The following MARCHF1 variants were observed in gnomAD, a reference collection of about 807,000 sequenced individuals.
MARCHF1 encodes membrane associated ring-CH-type finger 1, also known as E3 ubiquitin-protein ligase MARCHF1.
A neutral mutation model predicts 54.2 loss-of-function variants in MARCHF1; 40 were observed. The observed-to-expected ratio is 0.74, with a 90% CI of 0.57 to 0.96. The LOEUF is 0.96. MARCHF1 is among the 40% of genes least tolerant of loss of function. The pLI is 0.00. For missense variants in MARCHF1, 586 were observed against 656.5 expected, an observed-to-expected ratio of 0.89 and a Z score of 1.17; for synonymous variants, 236 against 236.3, an observed-to-expected ratio of 1.00 and a Z score of 0.01.
intron 4 of MARCHF1, among the ~76,000 whole-genome samples, chr4:163,747,364 A>T (rs1456948905): frequency 6.6e-6 from 1 of 152,166 alleles, no homozygotes; most frequent in Non-Finnish European, 1.5e-5. Flanking sequence ...TCTCTGATGG[A>T]ACTCCCGTTT....
At chr4:163,705,944 T>A (rs1327894215) in intron 4 of MARCHF1, among the ~76,000 whole-genome samples, 1 of 152,048 alleles carries the variant, frequency 6.6e-6, no homozygotes, top group Admixed American at 6.6e-5. Flanking sequence ...ACAAAACCAC[T>A]GCAGCTAATT....
intron 1 of MARCHF1, among the ~76,000 whole-genome samples, chr4:164,233,251 A>C (rs1046926337): frequency 1.3e-5 from 2 of 151,564 alleles, no homozygotes; most frequent in African/African-American, 2.4e-5. Context: ...CAAAAAAAAA[A>C]CACATTACTC....
At chr4:164,080,668 GTGTATA>G (rs930132081) in intron 2 of MARCHF1, among the ~76,000 whole-genome samples, 3 of 150,466 alleles carry the variant, frequency 2.0e-5, no homozygotes, top group African/African-American at 7.3e-5. Context: ...GTGTGTGTGT[GTGTATA>G]TATATATATA....
In MARCHF1 at chr4:163,897,412, AT is replaced by A. The variant is rs112454932; in HGVS notation, c.-38-43244del. Among the ~76,000 whole-genome samples, 4 of 152,138 alleles carry A rather than the reference AT, an allele frequency of 2.6e-5. No individual in the cohort carries two copies. The South Asian group carries it at 8.3e-4, about 32-fold the overall frequency. ...CCCTCACATTCCTTATATTCTCAGG[AT>A]TTTTCCTAAGCAAAAAGAGCAAATC... is the stretch of plus-strand genomic sequence containing the variant. On this transcript the variant is annotated intron_variant, in intron 3 of 9. Coordinates refer to ENST00000514618, the MANE Select transcript of MARCHF1 (RefSeq NM_001394959.1).
At chr4:163,839,892 G>A (rs1325834035) in intron 4 of MARCHF1, among the ~76,000 whole-genome samples, 1 of 151,794 alleles carries the variant, frequency 6.6e-6, no homozygotes, top group Non-Finnish European at 1.5e-5. Flanking sequence ...CACTTGAGCT[G>A]TAAAGAAAAA....
intron 1 of MARCHF1, among the ~76,000 whole-genome samples, chr4:164,231,788 A>G (rs1732420765): frequency 6.6e-6 from 1 of 152,110 alleles, no homozygotes; most frequent in Admixed American, 6.6e-5. Context: ...AACCTCTACT[A>G]TCATAAGAAA....
intron 1 of MARCHF1, among the ~76,000 whole-genome samples, chr4:164,159,758 G>A (rs1458626274): frequency 3.3e-5 from 5 of 152,274 alleles, no homozygotes; most frequent in African/African-American, 7.2e-5. Flanking sequence ...TGGAAAGAAT[G>A]TAAGCTAGCA....
At chr4:163,678,083 C>T (rs1743976578) in intron 5 of MARCHF1, among the ~76,000 whole-genome samples, 1 of 152,154 alleles carries the variant, frequency 6.6e-6, no homozygotes, top group Admixed American at 6.5e-5. Context: ...CTCAATTGCC[C>T]TTGATACAGA....
chr4:164,344,448 A>T (rs1199195222), intron 1 of MARCHF1, among the ~76,000 whole-genome samples: 2 of 146,226 alleles, frequency 1.4e-5, no homozygotes, highest in African/African-American at 5.3e-5. Context: ...GTTTGTGCAC[A>T]TGCACGTGTT....
intron 3 of MARCHF1, among the ~76,000 whole-genome samples, chr4:163,941,136 C>G (rs1052794832): frequency 1.1e-4 from 16 of 151,942 alleles, no homozygotes; most frequent in African/African-American, 3.9e-4. Flanking sequence ...GAGAGGGTAA[C>G]TTGTTTTTTT....
intron 1 of MARCHF1, among the ~76,000 whole-genome samples, chr4:164,312,746 T>C (rs909899228): frequency 5.9e-5 from 9 of 152,326 alleles, no homozygotes; most frequent in South Asian, 2.1e-4. Flanking sequence ...GAAGGAAATA[T>C]ATATATATAC....
chr4:164,142,535 C>A (rs1452216806), intron 1 of MARCHF1, among the ~76,000 whole-genome samples: 1 of 152,214 alleles, frequency 6.6e-6, no homozygotes, highest in Non-Finnish European at 1.5e-5. Flanking sequence ...AGCAGCCTAA[C>A]TGGGAGGCAC....
At chr4:163,954,123 A>G (rs1017703277) in intron 3 of MARCHF1, among the ~76,000 whole-genome samples, 4 of 152,190 alleles carry the variant, frequency 2.6e-5, no homozygotes, top group African/African-American at 9.6e-5. Context: ...ATAACTAGGT[A>G]AAAGACATAG....
At position 164,325,333 on chromosome 4, in the gene MARCHF1, T is replaced by TTATATATATA. The variant is rs58385154; in HGVS notation, c.-323+58527_-323+58536dup. 1.3e-3 allele frequency among the ~76,000 whole-genome samples: 175 copies of TTATATATATA among 138,468 alleles called. 1 individual carries two copies. The highest frequency in any genetic ancestry group is 5.3e-3 in the Admixed American group (73 of 13,698). The allele number at this position is 138,468 out of a possible 152,430, so 90.8% of individuals were successfully genotyped here. A position where few individuals can be genotyped will look rare whatever the true frequency, so the allele number is the denominator to read the frequency against. On this transcript the variant is annotated intron_variant, in intron 1 of 9. Transcript: ENST00000514618. ...GGACCAGTGAGTTGGTAGACAGAAA[T>TTATATATATA]TATATATATATATATATATATATTT...
chr4:164,144,075 G>A (rs1729591587), intron 1 of MARCHF1, among the ~76,000 whole-genome samples: 1 of 152,120 alleles, frequency 6.6e-6, no homozygotes, highest in African/African-American at 2.4e-5. Context: ...AGACAAAGGA[G>A]GCCATTACAT....
intron 3 of MARCHF1, among the ~76,000 whole-genome samples, chr4:163,981,120 C>T (rs1399755445): frequency 6.6e-6 from 1 of 152,030 alleles, no homozygotes; most frequent in African/African-American, 2.4e-5. Context: ...CAGCGTTGTG[C>T]ATCCAGTGGT....
chr4:163,540,606 C>A (rs1579043827), intron 9 of MARCHF1, among the ~76,000 whole-genome samples: 1 of 152,128 alleles, frequency 6.6e-6, no homozygotes, highest in Admixed American at 6.5e-5. Flanking sequence ...CTATTTGATG[C>A]AAGGTAAAGT....
intron 1 of MARCHF1, among the ~76,000 whole-genome samples, chr4:164,167,491 A>C (rs1252820829): frequency 6.6e-6 from 1 of 151,852 alleles, no homozygotes; most frequent in Non-Finnish European, 1.5e-5. Flanking sequence ...TGAGAAAGAA[A>C]AGCAAAGTTG....
chr4:164,077,772 A>G (rs1755010469), intron 2 of MARCHF1, among the ~76,000 whole-genome samples: 1 of 152,252 alleles, frequency 6.6e-6, no homozygotes, highest in Non-Finnish European at 1.5e-5. Flanking sequence ...AAACAAACAC[A>G]TGAAAAAAAG....
Sources: allele counts gnomAD v4.1 joint callset (sites outside exome capture counted in the v4.1 genomes callset), GRCh38; gene constraint gnomAD v4.1.1; transcripts MANE v1.5; gene names NCBI Gene and HGNC (gene_info 2026-07-23, HGNC 2026-07-21).